NXPH1: variants seen among roughly 807,000 people sequenced by gnomAD.
NXPH1 encodes neurexophilin-1.
A neutral mutation model predicts 23.7 loss-of-function variants in NXPH1; 5 were observed. The observed-to-expected ratio is 0.21, with a 90% CI of 0.11 to 0.44. NXPH1 has a LOEUF of 0.44. Ranked by LOEUF, NXPH1 falls within the 20% of genes least tolerant of loss-of-function variation. The pLI is 0.99. For missense variants in NXPH1, 324 were observed against 321.6 expected, an observed-to-expected ratio of 1.01 and a Z score of -0.06; for synonymous variants, 144 against 122.2, an observed-to-expected ratio of 1.18 and a Z score of -1.18.
chr7:8,729,521 G>C (rs1187993376), intron 2 of NXPH1, among the ~76,000 whole-genome samples: 2 of 131,204 alleles, frequency 1.5e-5, no homozygotes, highest in African/African-American at 6.5e-5. Flanking sequence ...ATGCGTCCCA[G>C]AGATTCTGGT....
intron 2 of NXPH1, among the ~76,000 whole-genome samples, chr7:8,579,116 G>T (rs182806528): frequency 7.9e-5 from 12 of 152,272 alleles, no homozygotes; most frequent in African/African-American, 2.9e-4. Context: ...GCAAGGCTGC[G>T]TGTGGCTGAT....
At chr7:8,677,464 A>G (rs1470492951) in intron 2 of NXPH1, among the ~76,000 whole-genome samples, 1 of 152,198 alleles carries the variant, frequency 6.6e-6, no homozygotes, top group Non-Finnish European at 1.5e-5. Context: ...TAAATGAATT[A>G]TTTGCTAAGA....
chr7:8,516,702 C>G (rs1411487345), intron 2 of NXPH1, among the ~76,000 whole-genome samples: 1 of 152,194 alleles, frequency 6.6e-6, no homozygotes, highest in South Asian at 2.1e-4. Flanking sequence ...GGAGGTAGAA[C>G]TCTGGAGCCT....
chr7:8,653,364 C>T (rs764178171), intron 2 of NXPH1, among the ~76,000 whole-genome samples: 2 of 152,128 alleles, frequency 1.3e-5, no homozygotes, highest in Non-Finnish European at 2.9e-5. Flanking sequence ...TTTACTCTTG[C>T]GTTGTCCTGT....
chr7:8,730,504 C>G (rs1780132851), intron 2 of NXPH1, among the ~76,000 whole-genome samples: 2 of 151,948 alleles, frequency 1.3e-5, no homozygotes, highest in African/African-American at 2.4e-5. Flanking sequence ...ATGTTTAGCA[C>G]TTCCTTCAGG....
At chr7:8,521,712 T>TGATTGAATGTTAAATCATAAG (rs1429277646) in intron 2 of NXPH1, among the ~76,000 whole-genome samples, 4 of 152,216 alleles carry the variant, frequency 2.6e-5, no homozygotes, top group Non-Finnish European at 5.9e-5. Flanking sequence ...CTATTTTGAC[T>TGATTGAATGTTAAATCATAAG]GATTGAATGT....
intron 2 of NXPH1, among the ~76,000 whole-genome samples, chr7:8,691,179 C>G (rs993484458): frequency 6.6e-6 from 1 of 151,938 alleles, no homozygotes. Context: ...GAGTTTTACT[C>G]TTGTTGCCCA....
At chr7:8,683,175 G>C (rs575425518) in intron 2 of NXPH1, among the ~76,000 whole-genome samples, 22 of 152,260 alleles carry the variant, frequency 1.4e-4, no homozygotes, top group African/African-American at 4.6e-4. Context: ...CATGGTGAGA[G>C]ATTAAACAAG....
In NXPH1 at chr7:8,600,047, T is replaced by G. The variant is rs531065338; in HGVS notation, c.55-150961T>G. On this transcript the variant is annotated intron_variant, in intron 2 of 2. Transcript: ENST00000405863. ...GAGGGAAGGTGGCGTTGGTGGAGGG[T>G]ATTTTCCAACATTTTCAAATTTCTT... Among the ~76,000 whole-genome samples, 694 of 152,102 alleles carry G rather than the reference T, an allele frequency of 4.6e-3. 9 individuals carry two copies. Among genetic ancestry groups the G allele is most frequent in the African/African-American group, 0.016 (672 of 41,482 alleles).
intron 2 of NXPH1, among the ~76,000 whole-genome samples, chr7:8,464,422 C>A (rs925179846): frequency 6.6e-6 from 1 of 152,186 alleles, no homozygotes; most frequent in African/African-American, 2.4e-5. Flanking sequence ...CTGAGTCAGA[C>A]ATTCAAAGCA....
chr7:8,647,843 CATTATCTTATCCT>C (rs1820420715), intron 2 of NXPH1, among the ~76,000 whole-genome samples: 1 of 151,216 alleles, frequency 6.6e-6, no homozygotes, highest in African/African-American at 2.4e-5. Flanking sequence ...ATCCCTAACC[CATTATCTTATCCT>C]AATTTATCCT....
intron 2 of NXPH1, among the ~76,000 whole-genome samples, chr7:8,706,867 T>A (rs1779714503): frequency 6.6e-6 from 1 of 152,174 alleles, no homozygotes; most frequent in South Asian, 2.1e-4. Flanking sequence ...AGATTTGTTT[T>A]CATTGTCTAA....
chr7:8,705,522 G>A (rs1289533866), intron 2 of NXPH1, among the ~76,000 whole-genome samples: 1 of 152,096 alleles, frequency 6.6e-6, no homozygotes, highest in Non-Finnish European at 1.5e-5. Context: ...TTTCCATTAT[G>A]TCCTCATTTT....
chr7:8,721,817 C>T (rs752038387), intron 2 of NXPH1, among the ~76,000 whole-genome samples: 2 of 152,178 alleles, frequency 1.3e-5, no homozygotes, highest in East Asian at 1.9e-4. Flanking sequence ...TCATCCAGTT[C>T]GAAAAAACCA....
rs757071991 is a variant in NXPH1 at position 8,751,643 on chromosome 7, C to G, written c.690C>G (p.Leu230=). ...QEQTQSHVSW[L]CSKPFKVICI... Reference sequence around the variant, plus strand: ...AAACCCAAAGTCATGTATCCTGGCTCTGCTCCAAGCCCTTTAAGGTGATCT... The same window carrying G: ...AAACCCAAAGTCATGTATCCTGGCTGTGCTCCAAGCCCTTTAAGGTGATCT... The change falls in exon 3 of 3, where the codon CTC becomes CTG. Residue 230 remains leucine (L), a synonymous_variant. Coordinates refer to ENST00000405863, the MANE Select transcript of NXPH1 (RefSeq NM_152745.3). The surrounding 1 kb of genome is among the most constrained non-coding windows in gnomAD (Gnocchi z 4.5). 244 of 1,613,452 alleles carry G rather than the reference C, an allele frequency of 1.5e-4. No homozygotes were observed. The highest frequency in any genetic ancestry group is 1.9e-4 in the Non-Finnish European group (220 of 1,179,700).
At chr7:8,491,793 A>G (rs1468933264) in intron 2 of NXPH1, among the ~76,000 whole-genome samples, 6 of 152,082 alleles carry the variant, frequency 3.9e-5, no homozygotes, top group African/African-American at 1.4e-4. Flanking sequence ...TTTCCAAGAA[A>G]CATGAATTGA....
chr7:8,617,968 C>G (rs548727830), intron 2 of NXPH1, among the ~76,000 whole-genome samples: 1 of 152,160 alleles, frequency 6.6e-6, no homozygotes, highest in African/African-American at 2.4e-5. Context: ...CAAGTGGGTA[C>G]ATCTCATGTA....
In NXPH1 at chr7:8,449,317, G is replaced by T. The variant is rs1402645495; in HGVS notation, c.54+13550G>T. ...GCATTGCCCTGGGTATCCAAGAAAA[G>T]TTCCTACACAAAAACACTATTTTGT... On this transcript the variant is annotated intron_variant, in intron 2 of 2. Transcript: ENST00000405863. Among the ~76,000 whole-genome samples the T allele has an allele frequency of 2.0e-5, 3 of 152,176 alleles. No homozygotes were observed. In the East Asian group the frequency reaches 5.8e-4, roughly 29 times the overall value.
intron 2 of NXPH1, among the ~76,000 whole-genome samples, chr7:8,548,588 C>T (rs7784999): frequency 0.021 from 3,188 of 151,536 alleles, 100 homozygotes; most frequent in African/African-American, 0.068. Context: ...GTGCCACTGA[C>T]GCTGTCTCTG....
Sources: gnomAD v4.1 joint callset for allele counts (sites outside exome capture counted in the v4.1 genomes callset) on GRCh38, gnomAD v4.1.1 for gene constraint, Gnocchi (gnomAD v3.1) non-coding constraint, MANE v1.5 for transcripts, NCBI Gene and HGNC (gene_info 2026-07-23, HGNC 2026-07-21) for gene names.